The following STK32B variants were observed in gnomAD, a reference collection of about 807,000 sequenced individuals.
STK32B encodes the protein serine/threonine kinase 32B.
In STK32B, 43 loss-of-function variants were observed where a neutral mutation model predicts 52.6. The ratio of observed to expected loss-of-function variants is 0.82; its 90% CI spans 0.64 to 1.05. The LOEUF is 1.05. Among genes scored for constraint, STK32B ranks in the 50% least tolerant of loss-of-function variants. The probability of loss-of-function intolerance (pLI) is 0.00; values close to 1 mark genes in which losing one functional copy is unlikely to be tolerated. For missense variants in STK32B, 621 were observed against 534.6 expected (o/e 1.16, Z -1.59); for synonymous variants, 238 against 204.3 (o/e 1.17, Z -1.41).
At chr4:5,075,296 A>C (rs112191629) in intron 1 of STK32B, among the ~76,000 whole-genome samples, 2,010 of 152,286 alleles carry the variant, frequency 0.013, 38 homozygotes, top group African/African-American at 0.046. Flanking sequence ...TCTCTTCAAA[A>C]ACATTTCAAC....
intron 1 of STK32B, among the ~76,000 whole-genome samples, chr4:5,124,328 A>G (rs1184987215): frequency 6.6e-6 from 1 of 152,154 alleles, no homozygotes; most frequent in East Asian, 1.9e-4. Context: ...AACCATCGGC[A>G]TTTTCTTAGT....
chr4:5,363,774 T>C (rs534646872), intron 4 of STK32B, among the ~76,000 whole-genome samples: 1 of 152,302 alleles, frequency 6.6e-6, no homozygotes, highest in East Asian at 1.9e-4. Flanking sequence ...TCCTCTTACC[T>C]ATGGGGGTTC....
intron 3 of STK32B, among the ~76,000 whole-genome samples, chr4:5,283,652 A>G (rs1728351821): frequency 6.6e-6 from 1 of 152,210 alleles, no homozygotes; most frequent in Admixed American, 6.5e-5. Flanking sequence ...ATTTCTCAGC[A>G]GAAACCCTGC....
intron 6 of STK32B, among the ~76,000 whole-genome samples, chr4:5,444,628 C>G (rs1005724967): frequency 2.0e-5 from 3 of 152,208 alleles, no homozygotes; most frequent in Non-Finnish European, 2.9e-5. Context: ...GCTCCTCCCC[C>G]CGCCTTGGGC....
At position 5,416,921 on chromosome 4, in the gene STK32B, C is replaced by T. The variant is rs1247573837; in HGVS notation, c.549C>T (p.Thr183=). Residue 183 remains threonine, a synonymous_variant, in exon 6 of 12, where the codon ACC becomes ACT. Coordinates refer to ENST00000282908, the MANE Select transcript of STK32B (RefSeq NM_018401.3). ...AAAGGGCTTCCTCCATGGCTGGCAC[C>T]AAGCCCTACATGGGTGAGTGTTCCA... ...GAERASSMAG[T]KPYMAPEVFQ... is the part of the protein sequence containing the mutation. 6.2e-7 allele frequency: 1 copy of T among 1,613,074 alleles called. No homozygotes were observed. Among genetic ancestry groups the T allele is most frequent in the South Asian group, 1.1e-5 (1 of 90,762 alleles).
chr4:5,216,885 A>G (rs1723213214), intron 3 of STK32B, among the ~76,000 whole-genome samples: 1 of 152,208 alleles, frequency 6.6e-6, no homozygotes, highest in Admixed American at 6.5e-5. Flanking sequence ...AGTGACTATC[A>G]TTGTAAGTAT....
chr4:5,377,206 C>G (rs1396205459), intron 4 of STK32B, among the ~76,000 whole-genome samples: 4 of 152,104 alleles, frequency 2.6e-5, no homozygotes, highest in Non-Finnish European at 2.9e-5. Context: ...AATACCCAAC[C>G]CCAACGCTAA....
chr4:5,062,499 TTTG>T (rs760733908), intron 1 of STK32B, among the ~76,000 whole-genome samples: 4 of 152,018 alleles, frequency 2.6e-5, no homozygotes, highest in African/African-American at 7.2e-5. Context: ...AATGTTTAGT[TTTG>T]TTGTTGTTGT....
intron 3 of STK32B, among the ~76,000 whole-genome samples, chr4:5,248,758 A>G (rs372778110): frequency 6.6e-6 from 1 of 152,162 alleles, no homozygotes; most frequent in South Asian, 2.1e-4. Context: ...AAAAAGGGTG[A>G]ATTCATGTCC....
chr4:5,180,876 C>T (rs1435821242), intron 3 of STK32B, among the ~76,000 whole-genome samples: 1 of 152,058 alleles, frequency 6.6e-6, no homozygotes, highest in East Asian at 1.9e-4. Flanking sequence ...CTGTGATGAC[C>T]CAAGTGGAGT....
chr4:5,106,018 C>T (rs918763784), intron 1 of STK32B, among the ~76,000 whole-genome samples: 7 of 151,714 alleles, frequency 4.6e-5, no homozygotes, highest in African/African-American at 1.7e-4. Context: ...AGAGGATATC[C>T]TTGGCCAGGT....
chr4:5,090,264 T>G (rs1048728183), intron 1 of STK32B, among the ~76,000 whole-genome samples: 4 of 152,118 alleles, frequency 2.6e-5, no homozygotes, highest in African/African-American at 9.7e-5. Context: ...CTTTTGGTAT[T>G]TTCATCATGA....
intron 3 of STK32B, among the ~76,000 whole-genome samples, chr4:5,173,394 T>C (rs997335486): frequency 2.6e-5 from 4 of 152,140 alleles, no homozygotes; most frequent in Non-Finnish European, 4.4e-5. Context: ...AATTGTGATG[T>C]TAGCGTGTCA....
chr4:5,156,468 G>A (rs1177168896), intron 2 of STK32B, among the ~76,000 whole-genome samples: 2 of 152,108 alleles, frequency 1.3e-5, no homozygotes, highest in Admixed American at 1.3e-4. Context: ...CCCTCGTCCA[G>A]CCCCTACTCT....
intron 2 of STK32B, among the ~76,000 whole-genome samples, chr4:5,144,783 C>CTCATTCATTCATTCATTCAT (rs71169681): frequency 4.1e-5 from 5 of 121,066 alleles, no homozygotes; most frequent in African/African-American, 2.2e-4. Context: ...CACTCATTCA[C>CTCATTCATTCATTCATTCAT]TCATCCATCC....
intron 5 of STK32B, among the ~76,000 whole-genome samples, chr4:5,411,687 G>A (rs1711699022): frequency 6.6e-6 from 1 of 152,142 alleles, no homozygotes; most frequent in Non-Finnish European, 1.5e-5. Flanking sequence ...AGGCATGGCT[G>A]TAACTTATTT....
chr4:5,030,156 T>C, the STK32B span, among the ~76,000 whole-genome samples: 8 of 152,156 alleles, frequency 5.3e-5, no homozygotes, highest in African/African-American at 1.4e-4. Context: ...TATAGCAGTG[T>C]GAAAATGGAC....
At chr4:5,073,272 T>C in intron 1 of STK32B, among the ~76,000 whole-genome samples, 1 of 152,066 alleles carries the variant, frequency 6.6e-6, no homozygotes, top group East Asian at 1.9e-4. Context: ...TAATGATTTT[T>C]AAAAATTCTA....
intron 3 of STK32B, among the ~76,000 whole-genome samples, chr4:5,322,789 C>G (rs981374377): frequency 2.0e-5 from 3 of 152,164 alleles, no homozygotes; most frequent in African/African-American, 7.2e-5. Context: ...AGTCACTCAT[C>G]AGGTAAGAGG....
Sources: allele counts gnomAD v4.1 joint callset (sites outside exome capture counted in the v4.1 genomes callset), GRCh38; gene constraint gnomAD v4.1.1; transcripts MANE v1.5; gene names NCBI Gene and HGNC (gene_info 2026-07-23, HGNC 2026-07-21).